PLOD2: variants seen among roughly 807,000 people sequenced by gnomAD.
The protein encoded by PLOD2 is lysine hydroxylase 2.
PLOD2 carries 65 observed loss-of-function variants against 101.0 expected under a neutral mutation model. That is an observed-to-expected ratio of 0.64 (90% CI 0.53 to 0.79). PLOD2 has a LOEUF of 0.79. PLOD2 is among the 30% of genes least tolerant of loss of function. The probability of loss-of-function intolerance (pLI) is 0.00; values close to 1 mark genes in which losing one functional copy is unlikely to be tolerated. For missense variants in PLOD2, 909 were observed against 914.6 expected (o/e 0.99, Z 0.08); for synonymous variants, 314 against 302.9 (o/e 1.04, Z -0.38).
rs138775222 is a variant in PLOD2, at chr3:146,071,672, G to T, written c.1849-249C>A. On this transcript the variant is annotated intron_variant, in intron 17 of 19. Transcript: ENST00000282903. ...TTTCCTACTTCTTAAATGTATATGT[G>T]AAGTTTAGCTATAAAGTAAATAAAA... Among the ~76,000 whole-genome samples, 4 of 151,752 alleles carry T rather than the reference G, an allele frequency of 2.6e-5. No individual in the cohort carries two copies. In the East Asian group the frequency reaches 7.8e-4, roughly 30 times the overall value.
intron 7 of PLOD2, among the ~76,000 whole-genome samples, chr3:146,099,876 C>A (rs1333155857): frequency 1.4e-5 from 2 of 138,490 alleles, no homozygotes; most frequent in Admixed American, 1.5e-4. Flanking sequence ...GTTACAGTGA[C>A]CAACTTTTTT....
rs185247685 is a variant in PLOD2 at position 146,117,114 on chromosome 3, T to C, written c.338+3998A>G. On this transcript the variant is annotated intron_variant, in intron 3 of 19. Transcript: ENST00000282903. The stretch of plus-strand genomic sequence containing the variant: ...TGAATTTTACACTTACAAATGTTTA[T>C]GGCATGTTATATAAATTATGCCCTA... Among the ~76,000 whole-genome samples, 8 of 152,288 alleles carry C rather than the reference T, an allele frequency of 5.3e-5. No individual in the cohort carries two copies. The East Asian group carries it at 1.3e-3, about 26-fold the overall frequency.
intron 15 of PLOD2, among the ~76,000 whole-genome samples, chr3:146,074,231 T>C (rs1936250618): frequency 6.6e-6 from 1 of 151,532 alleles, no homozygotes; most frequent in African/African-American, 2.4e-5. Flanking sequence ...TGGAGTAATA[T>C]AAATATCCAA....
intron 1 of PLOD2, among the ~76,000 whole-genome samples, chr3:146,129,627 G>C (rs1387602686): frequency 6.6e-6 from 1 of 152,150 alleles, no homozygotes; most frequent in Non-Finnish European, 1.5e-5. Flanking sequence ...GTGTTAGGCA[G>C]CATCTCACAC....
chr3:146,092,698 G>A lies in PLOD2; in HGVS notation c.778-797C>T, dbSNP rs80092049. 5.8e-4 allele frequency among the ~76,000 whole-genome samples: 88 copies of A among 152,138 alleles called. No individual in the cohort carries two copies. The East Asian group carries it at 0.015, about 26-fold the overall frequency. On this transcript the variant is annotated intron_variant, in intron 7 of 19. Transcript: ENST00000282903. ...TTCTGTGCTCTTCTGTGTGTTTTGG[G>A]GAGGGGTGGTGTGAAGGAAGAAGGA...
chr3:146,104,688 TG>T (rs1406225869), intron 5 of PLOD2, among the ~76,000 whole-genome samples: 1 of 152,204 alleles, frequency 6.6e-6, no homozygotes, highest in Non-Finnish European at 1.5e-5. Context: ...TAGAAAATCT[TG>T]CTTTACTGTA....
rs1937130908 is a variant in PLOD2 at position 146,095,862 on chromosome 3, C to A, written c.778-3961G>T. Among the ~76,000 whole-genome samples, 14 of 78,848 alleles carry A rather than the reference C, an allele frequency of 1.8e-4. No homozygotes were observed. The South Asian group carries it at 7.1e-3, about 40-fold the overall frequency. The allele number at this position is 78,848 out of a possible 152,430, so 51.7% of individuals were successfully genotyped here. ...GAAAATGTGGCATATACCCTCTCCC[C>A]TCTCCCCTCTCCCCTCTCCCCTCTC... On this transcript the variant is annotated intron_variant, in intron 7 of 19. Transcript: ENST00000282903.
chr3:146,080,997 A>T (rs1936521584), intron 12 of PLOD2, among the ~76,000 whole-genome samples: 1 of 151,970 alleles, frequency 6.6e-6, no homozygotes, highest in African/African-American at 2.4e-5. Flanking sequence ...TAGTCCTGAG[A>T]GTATACTGCC....
At chr3:146,123,084 ATTAGCTGTTCTATATTAACAC>A (rs1215148442) in intron 2 of PLOD2, among the ~76,000 whole-genome samples, 1 of 152,106 alleles carries the variant, frequency 6.6e-6, no homozygotes, top group Non-Finnish European at 1.5e-5. Context: ...TTAGCTGTTT[ATTAGCTGTTCTATATTAACAC>A]TTAGCTGTTC....
At chr3:146,107,579 A>AAACC (rs1553735753) in intron 4 of PLOD2, among the ~76,000 whole-genome samples, 1 of 151,554 alleles carries the variant, frequency 6.6e-6, no homozygotes, top group Non-Finnish European at 1.5e-5. Context: ...AACATGACCA[A>AAACC]AACCAATCAA....
At chr3:146,075,738 T>C (rs1453503709) in intron 15 of PLOD2, among the ~76,000 whole-genome samples, 2 of 151,640 alleles carry the variant, frequency 1.3e-5, no homozygotes, top group African/African-American at 4.8e-5. Context: ...TTTCTAAAAT[T>C]GTGATTAAAA....
chr3:146,103,077 C>A (rs1937448376), intron 6 of PLOD2, among the ~76,000 whole-genome samples: 1 of 152,176 alleles, frequency 6.6e-6, no homozygotes, highest in Non-Finnish European at 1.5e-5. Flanking sequence ...AAACTCACTC[C>A]AACCTGGCAC....
At position 146,096,874 on chromosome 3, in the gene PLOD2, G is replaced by T. The variant is rs80164629; in HGVS notation, c.778-4973C>A. On this transcript the variant is annotated intron_variant, in intron 7 of 19. Transcript: ENST00000282903. ...GCCCGGCCAGCTGCCCCGTCCGGGA[G>T]GGAGGTGGGGGGGGGGAGTCGGCCA... 8.7e-5 allele frequency among the ~76,000 whole-genome samples: 7 copies of T among 80,410 alleles called. 1 individual carries two copies. The highest frequency in any genetic ancestry group is 9.1e-4 in the South Asian group (2 of 2,198). The allele number at this position is 80,410 out of a possible 152,430, so 52.8% of individuals were successfully genotyped here. A position where few individuals can be genotyped will look rare whatever the true frequency, so the allele number is the denominator to read the frequency against.
At chr3:146,097,000 G>C (rs1254439447) in intron 7 of PLOD2, among the ~76,000 whole-genome samples, 1 of 140,834 alleles carries the variant, frequency 7.1e-6, no homozygotes, top group East Asian at 2.3e-4. Flanking sequence ...GGAGGGAGGT[G>C]GGGGGGTCAG....
intron 1 of PLOD2, among the ~76,000 whole-genome samples, chr3:146,130,935 A>G (rs1316753698): frequency 6.6e-6 from 1 of 152,180 alleles, no homozygotes; most frequent in East Asian, 1.9e-4. Flanking sequence ...TGGTCTTCCA[A>G]TGGGAAGGGT....
At chr3:146,131,301 A>T (rs2030892973) in intron 1 of PLOD2, among the ~76,000 whole-genome samples, 1 of 152,208 alleles carries the variant, frequency 6.6e-6, no homozygotes, top group East Asian at 1.9e-4. Context: ...AGTCATAGAC[A>T]TGAGTACAAC....
At chr3:146,082,290 T>C (rs745537741) in intron 11 of PLOD2, among the ~76,000 whole-genome samples, 3 of 152,242 alleles carry the variant, frequency 2.0e-5, no homozygotes, top group Non-Finnish European at 2.9e-5. Flanking sequence ...GCATTTAAGA[T>C]ATTCAATGAA....
At chr3:146,149,866 G>A (rs1559873645) in intron 1 of PLOD2, among the ~76,000 whole-genome samples, 1 of 151,880 alleles carries the variant, frequency 6.6e-6, no homozygotes, top group Admixed American at 6.6e-5. Context: ...CCTTCCAGTT[G>A]TTCTGCTTGA....
At chr3:146,138,947 C>T (rs374530914) in intron 1 of PLOD2, among the ~76,000 whole-genome samples, 6 of 152,216 alleles carry the variant, frequency 3.9e-5, no homozygotes, top group African/African-American at 1.4e-4. Flanking sequence ...CCGAGAAAGA[C>T]TAGCTCCAGA....
Sources: allele counts gnomAD v4.1 joint callset (sites outside exome capture counted in the v4.1 genomes callset), GRCh38; gene constraint gnomAD v4.1.1; transcripts MANE v1.5; gene names NCBI Gene and HGNC (gene_info 2026-07-23, HGNC 2026-07-21).